VPS53: variants seen among roughly 807,000 people sequenced by gnomAD.
VPS53 encodes VPS53 subunit of GARP complex.
In VPS53, 70 loss-of-function variants were observed where a neutral mutation model predicts 107.0. That is an observed-to-expected ratio of 0.65 (90% CI 0.54 to 0.80). The LOEUF is 0.80. Ranked by LOEUF, VPS53 falls within the 30% of genes least tolerant of loss-of-function variation. VPS53 has a pLI of 0.00. For synonymous variants in VPS53, 409 were observed against 393.3 expected, an observed-to-expected ratio of 1.04 and a Z score of -0.47; for missense variants, 917 against 1,049.4, an observed-to-expected ratio of 0.87 and a Z score of 1.74.
chr17:598,160 G>A (rs1223083994), intron 12 of VPS53, among the ~76,000 whole-genome samples: 5 of 152,318 alleles, frequency 3.3e-5, no homozygotes, highest in African/African-American at 1.2e-4. Context: ...ACGGGGTTTC[G>A]CTGGGTTGGC....
intron 11 of VPS53, among the ~76,000 whole-genome samples, chr17:606,586 G>C (rs1048430042): frequency 2.0e-5 from 3 of 152,122 alleles, no homozygotes; most frequent in Non-Finnish European, 4.4e-5. Flanking sequence ...GGTTCCACTA[G>C]ATTATAATGG....
At chr17:666,390 G>A (rs573575506) in intron 4 of VPS53, among the ~76,000 whole-genome samples, 4 of 152,300 alleles carry the variant, frequency 2.6e-5, no homozygotes, top group Non-Finnish European at 5.9e-5. Context: ...GAGGCTGGGC[G>A]CAGTGGCTCA....
chr17:522,425 G>T (rs1908828101), intron 19 of VPS53, among the ~76,000 whole-genome samples: 1 of 152,174 alleles, frequency 6.6e-6, no homozygotes, highest in Admixed American at 6.5e-5. Context: ...ACTCTAGCCT[G>T]GGCCTCATGG....
At chr17:649,920 C>T (rs762304606) in intron 7 of VPS53, among the ~76,000 whole-genome samples, 8 of 152,178 alleles carry the variant, frequency 5.3e-5, no homozygotes, top group Admixed American at 2.0e-4. Flanking sequence ...AAAAATTCAA[C>T]AGCTGGGCCA....
chr17:693,612 T>C (rs978446337), intron 4 of VPS53, among the ~76,000 whole-genome samples: 2 of 152,314 alleles, frequency 1.3e-5, no homozygotes, highest in Admixed American at 6.5e-5. Context: ...CACATGCCTG[T>C]AGTCCTAGCT....
chr17:686,712 C>A (rs1972598502), intron 4 of VPS53, among the ~76,000 whole-genome samples: 3 of 152,202 alleles, frequency 2.0e-5, no homozygotes, highest in Admixed American at 1.3e-4. Context: ...ACGGAAAAGC[C>A]ACAGGAACTC....
intron 7 of VPS53, among the ~76,000 whole-genome samples, chr17:648,801 GA>G (rs1281632696): frequency 7.5e-6 from 1 of 133,766 alleles, no homozygotes; most frequent in Non-Finnish European, 1.6e-5. Flanking sequence ...CAGAGGAATG[GA>G]ACAGGTAATG....
At chr17:712,993 G>A (rs551981100) in intron 1 of VPS53, among the ~76,000 whole-genome samples, 26 of 152,162 alleles carry the variant, frequency 1.7e-4, no homozygotes, top group Admixed American at 3.3e-4. Context: ...ATGGTTTGGC[G>A]TTCTCAGGCT....
At chr17:648,785 GGAGGA>G (rs1970810925) in intron 7 of VPS53, among the ~76,000 whole-genome samples, 4 of 121,084 alleles carry the variant, frequency 3.3e-5, no homozygotes, top group African/African-American at 8.7e-5. Context: ...ATCTTACACT[GGAGGA>G]CAGAGGAATG....
Position 601,795 on chromosome 17 carries a change from T to A in VPS53, c.1218A>T (p.Gln406His). Residue 406 changes from glutamine to histidine, a missense_variant and splice_region_variant, in exon 12 of 22, where the codon CAA becomes CAT. Gln to His is a conservative substitution (Grantham distance 24). Transcript: ENST00000437048. ...ELATEKGDLD[Q>H]PKKPKAPDNP... is the part of the protein sequence containing the mutation. The stretch of plus-strand genomic sequence containing the variant: ...CCGTGGTGACGCAAACCAGACTTAC[T>A]TGATCTAAATCTCCTTTCTCCGTTG... 6.3e-7 allele frequency: 1 copy of A among 1,597,120 alleles called. No individual in the cohort carries two copies. Among genetic ancestry groups the A allele is most frequent in the Non-Finnish European group, 8.5e-7 (1 of 1,171,754 alleles).
In VPS53 at chr17:512,326, C is replaced by G. The variant is rs1237416303; in HGVS notation, c.*6802G>C. ...CACAGCCAATATTCATTATAATCCC[C>G]TCTCACCAATATTGAAAATGGATGC... is the stretch of plus-strand genomic sequence containing the variant. On this transcript the variant is annotated 3_prime_UTR_variant, in exon 22 of 22. Coordinates refer to ENST00000437048, the MANE Select transcript of VPS53 (RefSeq NM_001128159.3). 1.3e-5 allele frequency: 2 copies of G among 152,218 alleles called. No homozygotes were observed. Among genetic ancestry groups the G allele is most frequent in the African/African-American group, 4.8e-5 (2 of 41,458 alleles). The allele number at this position is 152,218 out of a possible 1,614,324, so 9.4% of individuals were successfully genotyped here.
At position 639,457 on chromosome 17, in the gene VPS53, C is replaced by T. The variant is rs536818706; in HGVS notation, c.609-7829G>A. Among the ~76,000 whole-genome samples the T allele has an allele frequency of 1.2e-4, 18 of 152,078 alleles. 1 individual carries two copies. The highest frequency in any genetic ancestry group is 3.4e-3 in the Middle Eastern group (1 of 294). On this transcript the variant is annotated intron_variant, in intron 7 of 21. Transcript: ENST00000437048. ...CCGTCCAGCTTTGTTCCATTGCTGG[C>T]GAGGTGCTTTGTTCCTTTGGAGGGG...
chr17:698,541 CA>C (rs1053261990), intron 3 of VPS53, among the ~76,000 whole-genome samples: 27 of 151,578 alleles, frequency 1.8e-4, no homozygotes, highest in Non-Finnish European at 3.2e-4. Context: ...CCCATCTCTA[CA>C]AAAAATATAA....
chr17:566,203 C>CA (rs1003234136), intron 13 of VPS53, among the ~76,000 whole-genome samples: 6,970 of 56,688 alleles, frequency 0.12, 676 homozygotes, highest in African/African-American at 0.31. Flanking sequence ...GACTCCGTCT[C>CA]AAAAAAAAAA....
At chr17:696,511 G>C (rs1345882771) in intron 4 of VPS53, among the ~76,000 whole-genome samples, 1 of 152,196 alleles carries the variant, frequency 6.6e-6, no homozygotes. Flanking sequence ...GTGCTGATAA[G>C]GGAGGACAGG....
intron 12 of VPS53, among the ~76,000 whole-genome samples, chr17:597,539 A>AGG (rs1220855309): frequency 2.0e-5 from 3 of 152,096 alleles, no homozygotes; most frequent in Admixed American, 6.6e-5. Context: ...CAGCTAGATT[A>AGG]GGGGGTTTAG....
At chr17:591,274 T>C (rs1396578293) in intron 12 of VPS53, among the ~76,000 whole-genome samples, 497 of 128,768 alleles carry the variant, frequency 3.9e-3, no homozygotes, top group Admixed American at 5.4e-3. Context: ...TCTCTTTTTT[T>C]CTTTATTAGT....
chr17:655,770 C>T (rs940877135), intron 6 of VPS53, 68 bp downstream of exon 6: 14 of 1,415,564 alleles, frequency 9.9e-6, no homozygotes, highest in African/African-American at 2.9e-5. Flanking sequence ...AGTAAATAGG[C>T]GACAACACCA....
At chr17:654,099 G>A (rs1361080755) in intron 6 of VPS53, among the ~76,000 whole-genome samples, 1 of 152,224 alleles carries the variant, frequency 6.6e-6, no homozygotes, top group Non-Finnish European at 1.5e-5. Flanking sequence ...GGAGGCTGAG[G>A]CAAGAGACTC....
Sources: allele counts gnomAD v4.1 joint callset (sites outside exome capture counted in the v4.1 genomes callset), GRCh38; gene constraint gnomAD v4.1.1; transcripts MANE v1.5; gene names NCBI Gene and HGNC (gene_info 2026-07-23, HGNC 2026-07-21).